Variants in CUX1 observed in about 807,000 individuals in gnomAD.
CUX1 encodes cut like homeobox 1.
Under a neutral mutation model 158.8 loss-of-function variants are expected in CUX1, and 31 were observed. The ratio of observed to expected loss-of-function variants is 0.20; its 90% confidence interval spans 0.15 to 0.26. The LOEUF is 0.26. CUX1 is among the 10% of genes least tolerant of loss of function. CUX1 has a pLI of 1.00. For synonymous variants in CUX1, 879 were observed against 862.1 expected (o/e 1.02, Z -0.34); for missense variants, 1,589 against 2,014.6 (o/e 0.79, Z 4.04).
intron 1 of CUX1, among the ~76,000 whole-genome samples, chr7:101,863,132 A>T (rs1797629362): frequency 6.6e-6 from 1 of 152,158 alleles, no homozygotes; most frequent in Non-Finnish European, 1.5e-5. Context: ...AAAGAGAAGG[A>T]CTTTGCAAAA....
chr7:102,261,835 G>A (rs192854889), downstream of CUX1, among the ~76,000 whole-genome samples: 7 of 152,158 alleles, frequency 4.6e-5, no homozygotes, highest in East Asian at 1.9e-4. Context: ...AGCCAAACTC[G>A]GTCGGGCACG....
chr7:102,189,711 C>T (rs1362706694), intron 11 of CUX1, 102 bp from the exon 12 acceptor site: 5 of 1,266,698 alleles, frequency 3.9e-6, no homozygotes, highest in Non-Finnish European at 5.7e-6. Context: ...GGCTGGCTTC[C>T]CCTCTCAGGC....
intron 3 of CUX1, among the ~76,000 whole-genome samples, chr7:102,031,453 GT>G (rs1820774737): frequency 1.3e-5 from 2 of 152,060 alleles, no homozygotes; most frequent in Non-Finnish European, 2.9e-5. Context: ...AGGATAATGG[GT>G]TTGATTCCTG....
chr7:102,264,714 C>T lies in CUX1; in HGVS notation c.1256-8652C>T, dbSNP rs146122612. Reference sequence around the variant, plus strand: ...GGCCACAACTGGGGCTGCGTTTAACCCCCACAGCCATGCCAGATGAGCTGC... The same window carrying T: ...GGCCACAACTGGGGCTGCGTTTAACTCCCACAGCCATGCCAGATGAGCTGC... On this transcript the variant is annotated intron_variant, in intron 14 of 22. Coordinates refer to the CUX1 transcript ENST00000292538. 4.1e-3 allele frequency: 619 copies of T among 152,534 alleles called. 9 individuals carry two copies. Among genetic ancestry groups the T allele is most frequent in the African/African-American group, 0.014 (585 of 41,558 alleles). The allele number at this position is 152,534 out of a possible 1,614,324, so 9.4% of individuals were successfully genotyped here.
At chr7:102,123,405 T>G (rs1419663961) in intron 8 of CUX1, among the ~76,000 whole-genome samples, 1 of 151,720 alleles carries the variant, frequency 6.6e-6, no homozygotes, top group Non-Finnish European at 1.5e-5. Flanking sequence ...GTCAGGAGAT[T>G]GAGACCATCC....
At position 102,115,065 on chromosome 7, in the gene CUX1, T is replaced by C. The variant is rs1325322860; in HGVS notation, c.608-142T>C. 4.3e-6 allele frequency: 3 copies of C among 701,690 alleles called. No individual in the cohort carries two copies. In the South Asian group the frequency reaches 5.3e-5, roughly 12 times the overall value. The allele number at this position is 701,690 out of a possible 1,614,324, so 43.5% of individuals were successfully genotyped here. On this transcript the variant is annotated intron_variant, in intron 7 of 23. Coordinates refer to ENST00000292535, the MANE Select transcript of CUX1 (RefSeq NM_181552.4). ...TTTGTATTTTCATCATCTTGGCCTCTTTTGTGTGTTTTTAATCTTTATTTT... is the reference window on the plus strand; with the variant it reads ...TTTGTATTTTCATCATCTTGGCCTCCTTTGTGTGTTTTTAATCTTTATTTT...
chr7:101,935,764 T>A (rs539837577), intron 2 of CUX1, among the ~76,000 whole-genome samples: 1 of 152,252 alleles, frequency 6.6e-6, no homozygotes, highest in South Asian at 2.1e-4. Flanking sequence ...CACACGATGC[T>A]GGGGCTCAGG....
At chr7:102,175,544 C>T (rs782074890) in intron 10 of CUX1, among the ~76,000 whole-genome samples, 45 of 152,224 alleles carry the variant, frequency 3.0e-4, no homozygotes, top group Non-Finnish European at 5.9e-4. Flanking sequence ...GCAGCTGTCA[C>T]TCCTCCAGCC....
At chr7:102,118,716 G>A (rs782196907) in intron 8 of CUX1, among the ~76,000 whole-genome samples, 9 of 152,190 alleles carry the variant, frequency 5.9e-5, no homozygotes, top group South Asian at 4.1e-4. Flanking sequence ...TGGGCATACC[G>A]GAAGTCAAGT....
intron 22 of CUX1, among the ~76,000 whole-genome samples, chr7:102,235,717 A>G (rs1554532462): frequency 6.6e-6 from 1 of 151,086 alleles, no homozygotes; most frequent in Non-Finnish European, 1.5e-5. Context: ...AAAAAAAAAA[A>G]AGAATGGGCA....
At chr7:102,188,771 C>T (rs1398073285) in intron 11 of CUX1, 7 of 149,004 alleles carry the variant, frequency 4.7e-5, no homozygotes, top group African/African-American at 1.5e-4. Flanking sequence ...GCCAAGATCA[C>T]GCTACTGCAC....
chr7:101,983,061 C>T (rs1370048021), intron 2 of CUX1, among the ~76,000 whole-genome samples: 5 of 152,106 alleles, frequency 3.3e-5, no homozygotes, highest in African/African-American at 4.8e-5. Context: ...CAGTTCCTGA[C>T]GGCCCACCTC....
intron 8 of CUX1, among the ~76,000 whole-genome samples, chr7:102,151,192 A>G (rs1229143306): frequency 9.9e-5 from 15 of 152,198 alleles, no homozygotes; most frequent in African/African-American, 3.1e-4. Flanking sequence ...TATTGCAGAC[A>G]GTTTGTCAGG....
At position 102,264,029 on chromosome 7, in the gene CUX1, G is replaced by A. The variant is rs375666713; in HGVS notation, c.1256-9337G>A. Among the ~76,000 whole-genome samples the A allele has an allele frequency of 6.5e-3, 722 of 110,824 alleles. 10 individuals carry two copies. The highest frequency in any genetic ancestry group is 0.024 in the African/African-American group (681 of 28,372). 72.7% of individuals were successfully genotyped at this position (110,824 alleles called of 152,430 possible). On this transcript the variant is annotated intron_variant, in intron 14 of 22. Coordinates refer to the CUX1 transcript ENST00000292538. The stretch of plus-strand genomic sequence containing the variant: ...CTTTTTTTTTTTTTTTTTTTGAGAC[G>A]GAGTCTTGCTCTGTCACCCAGGCTA...
intron 20 of CUX1, among the ~76,000 whole-genome samples, chr7:102,212,829 C>T (rs1304675734): frequency 6.6e-6 from 1 of 152,172 alleles, no homozygotes; most frequent in Non-Finnish European, 1.5e-5. Flanking sequence ...TCCATCAGCA[C>T]ATGGAGAATT....
intron 3 of CUX1, among the ~76,000 whole-genome samples, chr7:102,044,971 G>T (rs527923163): frequency 1.3e-5 from 2 of 152,256 alleles, no homozygotes; most frequent in Middle Eastern, 3.4e-3. Flanking sequence ...ATGTCTGTCC[G>T]CAGGCTCTTG....
intron 8 of CUX1, among the ~76,000 whole-genome samples, chr7:102,134,783 A>G (rs1833712893): frequency 6.6e-6 from 1 of 151,590 alleles, no homozygotes; most frequent in Non-Finnish European, 1.5e-5. Context: ...ATTTTTAGAG[A>G]TGGGGTCTCA....
intron 4 of CUX1, among the ~76,000 whole-genome samples, chr7:102,084,510 G>A (rs906181154): frequency 3.0e-5 from 4 of 132,048 alleles, no homozygotes; most frequent in African/African-American, 7.7e-5. Flanking sequence ...TGCAACCTCC[G>A]CCTTCTGGGT....
chr7:102,076,293 G>T (rs1464423462), intron 4 of CUX1, among the ~76,000 whole-genome samples: 3 of 152,024 alleles, frequency 2.0e-5, no homozygotes, highest in African/African-American at 7.3e-5. Context: ...GCTGTGGCAG[G>T]ACAGTCGGTT....
Sources: gnomAD v4.1 joint callset for allele counts (sites outside exome capture counted in the v4.1 genomes callset) on GRCh38, gnomAD v4.1.1 for gene constraint, MANE v1.5 for transcripts, NCBI Gene and HGNC (gene_info 2026-07-23, HGNC 2026-07-21) for gene names.